Variants in PCSK2 observed in about 807,000 individuals in gnomAD.
The protein encoded by PCSK2 is neuroendocrine convertase 2.
In PCSK2, 14 loss-of-function variants were observed where a neutral mutation model predicts 69.7. That is an observed-to-expected ratio of 0.20 (90% CI 0.13 to 0.31). PCSK2 has a LOEUF of 0.31. Among genes scored for constraint, PCSK2 ranks in the 10% least tolerant of loss-of-function variants. PCSK2 has a pLI of 1.00. For missense variants in PCSK2, 544 were observed against 842.5 expected (o/e 0.65, Z 4.39); for synonymous variants, 307 against 320.7 (o/e 0.96, Z 0.46).
chr20:17,233,879 T>C (rs1986234987), intron 1 of PCSK2, among the ~76,000 whole-genome samples: 1 of 152,180 alleles, frequency 6.6e-6, no homozygotes, highest in African/African-American at 2.4e-5. Flanking sequence ...CCATGCCTGA[T>C]GCATAAGAAT....
chr20:17,352,298 G>A (rs923636365), intron 2 of PCSK2, among the ~76,000 whole-genome samples: 2 of 152,208 alleles, frequency 1.3e-5, no homozygotes, highest in African/African-American at 2.4e-5. Flanking sequence ...CAGATTCAAC[G>A]CTTTTCCTAC....
At chr20:17,330,898 A>G (rs1436357975) in intron 2 of PCSK2, among the ~76,000 whole-genome samples, 1 of 152,198 alleles carries the variant, frequency 6.6e-6, no homozygotes, top group Admixed American at 6.5e-5. Context: ...AAGCAGAAGC[A>G]TAGCTGAGAA....
At chr20:17,291,513 T>C (rs1988693239) in intron 2 of PCSK2, among the ~76,000 whole-genome samples, 1 of 152,208 alleles carries the variant, frequency 6.6e-6, no homozygotes, top group Admixed American at 6.5e-5. Flanking sequence ...AGTGTTACAT[T>C]TATTGTTGAC....
rs145918123 is a variant in PCSK2 at position 17,272,243 on chromosome 20, C to G, written c.282+11899C>G. 5.0e-3 allele frequency among the ~76,000 whole-genome samples: 766 copies of G among 152,230 alleles called. 5 individuals carry two copies. Among genetic ancestry groups the G allele is most frequent in the East Asian group, 0.023 (117 of 5,174 alleles). ...GAACAATACATTATAACATCCAGGT[C>G]TGCTCTGATTATTTCAGAGTAGTAT... On this transcript the variant is annotated intron_variant, in intron 2 of 11. Coordinates refer to ENST00000262545, the MANE Select transcript of PCSK2 (RefSeq NM_002594.5).
intron 2 of PCSK2, among the ~76,000 whole-genome samples, chr20:17,340,570 T>G (rs1184531745): frequency 6.6e-6 from 1 of 152,220 alleles, no homozygotes; most frequent in Non-Finnish European, 1.5e-5. Flanking sequence ...AAAGGTAAAA[T>G]TCTTCAATTT....
intron 2 of PCSK2, among the ~76,000 whole-genome samples, chr20:17,316,079 C>T (rs1002512881): frequency 6.6e-6 from 1 of 152,208 alleles, no homozygotes; most frequent in East Asian, 1.9e-4. Context: ...CTCTTTAAGG[C>T]TCGTTCTTCA....
At chr20:17,292,082 A>G (rs984330578) in intron 2 of PCSK2, among the ~76,000 whole-genome samples, 1 of 152,198 alleles carries the variant, frequency 6.6e-6, no homozygotes, top group Admixed American at 6.5e-5. Flanking sequence ...TAAGGGTTCT[A>G]TTAGGAAGGT....
chr20:17,368,460 G>A (rs186075540), intron 4 of PCSK2, among the ~76,000 whole-genome samples: 11 of 152,306 alleles, frequency 7.2e-5, no homozygotes, highest in African/African-American at 2.4e-4. Flanking sequence ...ATGGTGTCAA[G>A]AACCTGCCCT....
intron 5 of PCSK2, among the ~76,000 whole-genome samples, chr20:17,370,721 G>A (rs982708943): frequency 6.6e-6 from 1 of 152,074 alleles, no homozygotes; most frequent in African/African-American, 2.4e-5. Context: ...TTCCTTAAAG[G>A]GACTGCCCTG....
intron 5 of PCSK2, among the ~76,000 whole-genome samples, chr20:17,393,329 T>A (rs2031431551): frequency 6.6e-6 from 1 of 152,346 alleles, no homozygotes; most frequent in Non-Finnish European, 1.5e-5. Context: ...ATCTCAAGAT[T>A]TTTAACTGAA....
chr20:17,241,644 AC>A (rs1366404931), intron 1 of PCSK2, among the ~76,000 whole-genome samples: 1 of 152,220 alleles, frequency 6.6e-6, no homozygotes, highest in African/African-American at 2.4e-5. Flanking sequence ...CATCAGTGAT[AC>A]TAATGGCTTG....
intron 7 of PCSK2, among the ~76,000 whole-genome samples, chr20:17,430,302 A>C (rs1368413114): frequency 2.6e-5 from 4 of 152,212 alleles, no homozygotes; most frequent in African/African-American, 9.7e-5. Context: ...GAGTGGCACC[A>C]GTCTTTTTCC....
intron 8 of PCSK2, among the ~76,000 whole-genome samples, chr20:17,441,134 A>G (rs1217674077): frequency 1.3e-5 from 2 of 152,030 alleles, no homozygotes; most frequent in East Asian, 3.9e-4. Flanking sequence ...TTCCACTTGG[A>G]CACCACCCCA....
chr20:17,257,156 C>G (rs547523564), intron 1 of PCSK2, among the ~76,000 whole-genome samples: 33 of 152,012 alleles, frequency 2.2e-4, no homozygotes, highest in Non-Finnish European at 3.8e-4. Context: ...ACGTGGCCAA[C>G]AAACATATGA....
At chr20:17,339,460 C>T (rs1249561354) in intron 2 of PCSK2, among the ~76,000 whole-genome samples, 1 of 123,444 alleles carries the variant, frequency 8.1e-6, no homozygotes, top group African/African-American at 3.6e-5. Flanking sequence ...AGGCCCAGCC[C>T]ATGTTGATTT....
intron 5 of PCSK2, 73 bp downstream of exon 5, chr20:17,369,350 A>G (rs369103493): frequency 8.4e-7 from 1 of 1,187,832 alleles, no homozygotes; most frequent in Non-Finnish European, 1.3e-6. Context: ...TATTAGGAAC[A>G]TGCACATGTC....
chr20:17,321,912 A>T (rs879707547), intron 2 of PCSK2, among the ~76,000 whole-genome samples: 8 of 152,182 alleles, frequency 5.3e-5, no homozygotes, highest in Admixed American at 5.2e-4. Context: ...GGCATAACAA[A>T]GGAAGAAAAA....
chr20:17,454,216 C>T (rs2123382767), intron 9 of PCSK2, among the ~76,000 whole-genome samples: 1 of 152,318 alleles, frequency 6.6e-6, no homozygotes, highest in Non-Finnish European at 1.5e-5. Flanking sequence ...TTTATTGTTT[C>T]TGGCTTACAA....
intron 2 of PCSK2, among the ~76,000 whole-genome samples, chr20:17,315,805 C>G (rs909443246): frequency 6.6e-6 from 1 of 152,170 alleles, no homozygotes; most frequent in Non-Finnish European, 1.5e-5. Context: ...CGTCCTGGCC[C>G]GTGGCTGTCA....
Sources: gnomAD v4.1 joint callset for allele counts (sites outside exome capture counted in the v4.1 genomes callset) on GRCh38, gnomAD v4.1.1 for gene constraint, MANE v1.5 for transcripts, NCBI Gene and HGNC (gene_info 2026-07-23, HGNC 2026-07-21) for gene names.